Variants in MAP4K5 observed in about 807,000 individuals in gnomAD.
The protein encoded by MAP4K5 is MAPK/ERK kinase kinase kinase 5.
Under a neutral mutation model 135.6 loss-of-function variants are expected in MAP4K5, and 82 were observed. The observed-to-expected ratio is 0.60, with a 90% confidence interval of 0.51 to 0.73. The LOEUF is 0.73. Ranked by LOEUF, MAP4K5 falls within the 30% of genes least tolerant of loss-of-function variation. The pLI is 0.00. For synonymous variants in MAP4K5, 347 were observed against 335.0 expected (o/e 1.04, Z -0.39); for missense variants, 907 against 1,010.9 (o/e 0.90, Z 1.39).
intron 32 of MAP4K5, among the ~76,000 whole-genome samples, chr14:50,421,206 T>A (rs1324612573): frequency 6.6e-6 from 1 of 152,170 alleles, no homozygotes; most frequent in Non-Finnish European, 1.5e-5. Context: ...ATGCTTAGTT[T>A]TTTTTTCCTA....
chr14:50,527,838 A>AAT (rs1420302828), intron 2 of MAP4K5, among the ~76,000 whole-genome samples: 277 of 16,388 alleles, frequency 0.017, 2 homozygotes, highest in Admixed American at 0.17. Context: ...TAATAATAAT[A>AAT]AATAAATAAA....
intron 1 of MAP4K5, chr14:50,560,575 T>C: frequency 2.0e-6 from 1 of 509,422 alleles, no homozygotes; most frequent in Non-Finnish European, 3.6e-6. Context: ...CCTCCCAGCA[T>C]TTGGACAGCA....
chr14:50,466,018 G>A (rs866367029), intron 11 of MAP4K5, among the ~76,000 whole-genome samples: 17 of 152,134 alleles, frequency 1.1e-4, no homozygotes, highest in African/African-American at 4.1e-4. Flanking sequence ...AGGATGCATT[G>A]AGCCGAGATT....
At chr14:50,548,818 A>G (rs913098044) in intron 1 of MAP4K5, among the ~76,000 whole-genome samples, 1 of 152,066 alleles carries the variant, frequency 6.6e-6, no homozygotes, top group African/African-American at 2.4e-5. Context: ...CCTGGTCTCA[A>G]TTATGAAAGG....
In MAP4K5 at chr14:50,448,848, C is replaced by G. The variant is rs140551199; in HGVS notation, c.1016-16G>C. Reference sequence around the variant, plus strand: ...AATTTGTCAACTGCAAAATATATAACAGGTATGTACAAACTCAGCATCTCA... The same window carrying G: ...AATTTGTCAACTGCAAAATATATAAGAGGTATGTACAAACTCAGCATCTCA... On this transcript the variant is annotated splice_polypyrimidine_tract_variant and intron_variant, in intron 14 of 32. Transcript: ENST00000682126. 2.4e-3 allele frequency: 3,311 copies of G among 1,355,824 alleles called. 12 individuals are homozygous for G. The highest frequency in any genetic ancestry group is 2.3e-3 in the Non-Finnish European group (2,219 of 977,204). The allele number at this position is 1,355,824 out of a possible 1,614,324, so 84.0% of individuals were successfully genotyped here. A position where few individuals can be genotyped will look rare whatever the true frequency, so the allele number is the denominator to read the frequency against.
chr14:50,449,016 A>C, intron 14 of MAP4K5, 184 bp from the exon 15 acceptor site: 1 of 535,532 alleles, frequency 1.9e-6, no homozygotes, highest in Non-Finnish European at 3.3e-6. Context: ...TAAATAACAA[A>C]GTGGGATCTT....
chr14:50,549,097 T>C (rs962925053), intron 1 of MAP4K5, among the ~76,000 whole-genome samples: 2 of 152,102 alleles, frequency 1.3e-5, no homozygotes, highest in African/African-American at 2.4e-5. Flanking sequence ...CTTGGACCCA[T>C]TCACTTTGAA....
intron 3 of MAP4K5, among the ~76,000 whole-genome samples, chr14:50,501,612 G>C (rs981417695): frequency 1.1e-4 from 16 of 151,980 alleles, no homozygotes; most frequent in Admixed American, 8.5e-4. Context: ...ATAATGATAG[G>C]CCCAAGTATA....
chr14:50,501,852 T>G (rs1349846365), intron 3 of MAP4K5, among the ~76,000 whole-genome samples: 1 of 152,134 alleles, frequency 6.6e-6, no homozygotes, highest in Non-Finnish European at 1.5e-5. Flanking sequence ...TTATTCTAAC[T>G]CCCCCACTGG....
chr14:50,531,356 A>T (rs1016486551), intron 2 of MAP4K5, among the ~76,000 whole-genome samples: 1 of 152,260 alleles, frequency 6.6e-6, no homozygotes, highest in Middle Eastern at 3.2e-3. Context: ...AACAAAACCC[A>T]GCAAGTTAAT....
chr14:50,467,702 T>G (rs555536669), intron 10 of MAP4K5, among the ~76,000 whole-genome samples: 1 of 152,110 alleles, frequency 6.6e-6, no homozygotes, highest in Non-Finnish European at 1.5e-5. Flanking sequence ...ACTGAAACAT[T>G]TGTATTGCCC....
At chr14:50,455,914 T>C (rs921649655) in intron 14 of MAP4K5, among the ~76,000 whole-genome samples, 3 of 152,142 alleles carry the variant, frequency 2.0e-5, no homozygotes, top group Non-Finnish European at 2.9e-5. Flanking sequence ...TAGAAAATTT[T>C]CATCTGTCAA....
chr14:50,484,473 A>G lies in MAP4K5; in HGVS notation c.322+1105T>C, dbSNP rs539336319. ...GTAATGACTTAGTCAACTGGTAGGT[A>G]TTCTTTCATTTTGCTATACATTTAC... is the stretch of plus-strand genomic sequence containing the variant. On this transcript the variant is annotated intron_variant, in intron 5 of 32. Coordinates refer to ENST00000682126, the MANE Select transcript of MAP4K5 (RefSeq NM_006575.6). 2.6e-5 allele frequency among the ~76,000 whole-genome samples: 4 copies of G among 152,238 alleles called. No homozygotes were observed. In the South Asian group the frequency reaches 8.3e-4, roughly 32 times the overall value.
At chr14:50,544,076 A>G (rs1173958482) in intron 1 of MAP4K5, among the ~76,000 whole-genome samples, 2 of 152,232 alleles carry the variant, frequency 1.3e-5, no homozygotes, top group Non-Finnish European at 2.9e-5. Context: ...AAGGAAGACT[A>G]TGTCTGGAAT....
intron 31 of MAP4K5, among the ~76,000 whole-genome samples, chr14:50,424,820 T>C (rs1426039255): frequency 3.3e-5 from 5 of 151,046 alleles, no homozygotes; most frequent in Non-Finnish European, 5.9e-5. Context: ...AGGAGTGACA[T>C]AATGAAAATA....
chr14:50,539,534 G>C (rs958870835), intron 2 of MAP4K5, among the ~76,000 whole-genome samples: 1 of 152,190 alleles, frequency 6.6e-6, no homozygotes, highest in Non-Finnish European at 1.5e-5. Flanking sequence ...TTAATTAAAC[G>C]TGAGACCCAG....
intron 20 of MAP4K5, among the ~76,000 whole-genome samples, chr14:50,443,429 G>C (rs541313313): frequency 6.6e-6 from 1 of 152,156 alleles, no homozygotes; most frequent in African/African-American, 2.4e-5. Context: ...GAGGTAGAAA[G>C]ATATTTAATC....
intron 1 of MAP4K5, 69 bp downstream of exon 1, chr14:50,532,379 G>A (rs2038416977): frequency 7.3e-6 from 2 of 274,576 alleles, no homozygotes; most frequent in Non-Finnish European, 1.4e-5. Flanking sequence ...CGCCAGCCGG[G>A]GCCCAGGGCC....
At chr14:50,504,573 A>G (rs1157113123) in intron 3 of MAP4K5, among the ~76,000 whole-genome samples, 1 of 152,128 alleles carries the variant, frequency 6.6e-6, no homozygotes, top group African/African-American at 2.4e-5. Flanking sequence ...AAATTACTTT[A>G]ACAGTGTCAA....
Sources: gnomAD v4.1 joint callset for allele counts (sites outside exome capture counted in the v4.1 genomes callset) on GRCh38, gnomAD v4.1.1 for gene constraint, MANE v1.5 for transcripts, NCBI Gene and HGNC (gene_info 2026-07-23, HGNC 2026-07-21) for gene names.